The following UBTD1 variants were observed in gnomAD, a reference collection of about 807,000 sequenced individuals.
UBTD1 encodes ubiquitin domain containing 1.
In UBTD1, 19 loss-of-function variants were observed where a neutral mutation model predicts 21.7. The ratio of observed to expected loss-of-function variants is 0.87; its 90% CI spans 0.61 to 1.28. The LOEUF is 1.28. Among genes scored for constraint, UBTD1 ranks in the 50% most tolerant of loss-of-function variants. The pLI is 0.00. For synonymous variants in UBTD1, 116 were observed against 135.1 expected (o/e 0.86, Z 0.98); for missense variants, 282 against 315.1 (o/e 0.89, Z 0.80).
intron 1 of UBTD1, among the ~76,000 whole-genome samples, chr10:97,551,543 C>T (rs963364277): frequency 6.6e-6 from 1 of 152,182 alleles, no homozygotes. Flanking sequence ...CTGTCTTTGA[C>T]CTGAAGCTTA....
rs560511494 is a variant in UBTD1, at chr10:97,538,527, T to A, written c.71-29387T>A. Among the ~76,000 whole-genome samples the A allele has an allele frequency of 3.9e-5, 6 of 152,314 alleles. No individual in the cohort carries two copies. In the South Asian group the frequency reaches 1.2e-3, roughly 32 times the overall value. On this transcript the variant is annotated intron_variant, in intron 1 of 2. Coordinates refer to ENST00000370664, the MANE Select transcript of UBTD1 (RefSeq NM_024954.5). ...CTAAGAGGGATCCTTGTGTGTATCA[T>A]TTGTGTGATTCAGCTTCAGCCCAGA...
chr10:97,522,263 G>T (rs2040469830), intron 1 of UBTD1, among the ~76,000 whole-genome samples: 1 of 152,230 alleles, frequency 6.6e-6, no homozygotes, highest in Non-Finnish European at 1.5e-5. Context: ...TTCTTTGGGC[G>T]AGGCTAGCTT....
intron 1 of UBTD1, among the ~76,000 whole-genome samples, chr10:97,529,102 G>A (rs944272930): frequency 2.1e-4 from 32 of 150,578 alleles, no homozygotes; most frequent in African/African-American, 6.9e-4. Flanking sequence ...GCGGCCGGCC[G>A]AGGCACTCCT....
chr10:97,539,753 T>C (rs1422315250), intron 1 of UBTD1, among the ~76,000 whole-genome samples: 1 of 152,080 alleles, frequency 6.6e-6, no homozygotes, highest in African/African-American at 2.4e-5. Flanking sequence ...GGGGTCCTGC[T>C]CTTGTGGCCT....
chr10:97,526,969 C>G (rs905425660), intron 1 of UBTD1, among the ~76,000 whole-genome samples: 2 of 151,552 alleles, frequency 1.3e-5, no homozygotes, highest in Non-Finnish European at 2.9e-5. Flanking sequence ...CTCAAGAGTT[C>G]AAGACCAGCC....
intron 1 of UBTD1, among the ~76,000 whole-genome samples, chr10:97,502,605 G>A (rs574004861): frequency 6.6e-6 from 1 of 152,268 alleles, no homozygotes; most frequent in East Asian, 1.9e-4. Context: ...GATCATTAGA[G>A]CTGTTTTATC....
intron 1 of UBTD1, among the ~76,000 whole-genome samples, chr10:97,529,582 C>T (rs1227450903): frequency 4.1e-5 from 5 of 122,236 alleles, no homozygotes; most frequent in African/African-American, 8.6e-5. Flanking sequence ...GCCATCACAG[C>T]GAAACCCCGT....
chr10:97,516,979 AG>A (rs1392248362), intron 1 of UBTD1, among the ~76,000 whole-genome samples: 1 of 152,032 alleles, frequency 6.6e-6, no homozygotes, highest in Non-Finnish European at 1.5e-5. Context: ...GAGGAGCCAC[AG>A]GGAGCCTGTG....
intron 1 of UBTD1, among the ~76,000 whole-genome samples, chr10:97,528,103 G>A (rs71333241): frequency 1.5e-5 from 2 of 132,014 alleles, no homozygotes; most frequent in African/African-American, 5.5e-5. Context: ...CCTCCCGGAC[G>A]GGGAGGCTGG....
chr10:97,529,061 C>T (rs1266074024), intron 1 of UBTD1, among the ~76,000 whole-genome samples: 2 of 151,376 alleles, frequency 1.3e-5, no homozygotes, highest in Non-Finnish European at 2.9e-5. Flanking sequence ...GGTGGCCAGG[C>T]AGAGACGCTC....
intron 1 of UBTD1, among the ~76,000 whole-genome samples, chr10:97,566,102 T>TA (rs1409989868): frequency 1.3e-5 from 2 of 152,162 alleles, no homozygotes; most frequent in African/African-American, 2.4e-5. Flanking sequence ...TAAACATTTT[T>TA]AAAAAATCTC....
rs528504207 is a variant in UBTD1 at position 97,569,600 on chromosome 10, C to T, written c.299-538C>T. Reference sequence around the variant, plus strand: ...CTCAGGCTCCTGTAACAAAATACCACATGCTGGGTGACTTAATCAAGAGAC... The same window carrying T: ...CTCAGGCTCCTGTAACAAAATACCATATGCTGGGTGACTTAATCAAGAGAC... On this transcript the variant is annotated intron_variant, in intron 2 of 2. Transcript: ENST00000370664. 5.3e-5 allele frequency among the ~76,000 whole-genome samples: 8 copies of T among 152,336 alleles called. No individual in the cohort carries two copies. The South Asian group carries it at 1.7e-3, about 32-fold the overall frequency.
intron 1 of UBTD1, among the ~76,000 whole-genome samples, chr10:97,552,546 C>T (rs1299952364): frequency 1.1e-4 from 16 of 151,922 alleles, no homozygotes; most frequent in Admixed American, 9.8e-4. Flanking sequence ...CAGGCGCGCA[C>T]CACCAAGCCT....
rs1157686750 is a variant in UBTD1 at position 97,499,040 on chromosome 10, A to C, written c.-164A>C. On this transcript the variant is annotated 5_prime_UTR_variant, in exon 1 of 3. Transcript: ENST00000370664. ...CACTTCCCTCTCTCCCCTGGCCCGC[A>C]AAGTTTTGGCGGAGCCATCGCTGGG... The C allele has an allele frequency of 6.5e-6, 5 of 765,136 alleles. No homozygotes were observed. Among genetic ancestry groups the C allele is most frequent in the South Asian group, 2.0e-5 (1 of 50,084 alleles). 47.4% of individuals were successfully genotyped at this position (765,136 alleles called of 1,614,324 possible). A position where few individuals can be genotyped will look rare whatever the true frequency, so the allele number is the denominator to read the frequency against.
At chr10:97,500,141 G>C (rs778194575) in intron 1 of UBTD1, among the ~76,000 whole-genome samples, 2 of 152,224 alleles carry the variant, frequency 1.3e-5, no homozygotes, top group African/African-American at 4.8e-5. Context: ...TCAAAGCCCA[G>C]ATCCTGAGAG....
At chr10:97,534,949 G>A (rs920004143) in intron 1 of UBTD1, among the ~76,000 whole-genome samples, 1 of 152,220 alleles carries the variant, frequency 6.6e-6, no homozygotes, top group African/African-American at 2.4e-5. Flanking sequence ...TCTGTTGAAA[G>A]CCCTCATTGG....
chr10:97,542,625 C>T (rs2135675593), intron 1 of UBTD1, among the ~76,000 whole-genome samples: 1 of 152,266 alleles, frequency 6.6e-6, no homozygotes, highest in South Asian at 2.1e-4. Context: ...AGGGGCCTTC[C>T]CTGTTGGGAA....
chr10:97,550,513 A>T (rs2040631893), intron 1 of UBTD1, among the ~76,000 whole-genome samples: 1 of 152,122 alleles, frequency 6.6e-6, no homozygotes, highest in Non-Finnish European at 1.5e-5. Flanking sequence ...CTGCTGCTGC[A>T]GGAGCTGTAA....
chr10:97,530,598 C>T (rs922489360), intron 1 of UBTD1, among the ~76,000 whole-genome samples: 1 of 151,968 alleles, frequency 6.6e-6, no homozygotes, highest in East Asian at 1.9e-4. Flanking sequence ...AAGGATAGAA[C>T]CTAGGGAAGA....
Sources: gnomAD v4.1 joint callset for allele counts (sites outside exome capture counted in the v4.1 genomes callset) on GRCh38, gnomAD v4.1.1 for gene constraint, MANE v1.5 for transcripts, NCBI Gene and HGNC (gene_info 2026-07-23, HGNC 2026-07-21) for gene names.